Variants in HGF observed in about 807,000 individuals in gnomAD.
HGF encodes the protein fibroblast-derived tumor cytotoxic factor.
HGF carries 39 observed loss-of-function variants against 111.6 expected under a neutral mutation model. The observed-to-expected ratio is 0.35, with a 90% CI of 0.27 to 0.46. The LOEUF is 0.46. HGF is among the 20% of genes least tolerant of loss of function. The pLI, the probability that HGF is intolerant of heterozygous loss-of-function variation, is 1.00. For synonymous variants in HGF, 285 were observed against 294.8 expected (o/e 0.97, Z 0.34); for missense variants, 735 against 910.5 (o/e 0.81, Z 2.48).
chr7:81,765,835 A>G (rs1392076202), intron 1 of HGF, among the ~76,000 whole-genome samples: 3 of 152,218 alleles, frequency 2.0e-5, no homozygotes, highest in Non-Finnish European at 4.4e-5. Flanking sequence ...AGCCAAGCTT[A>G]ATTTGGGAAG....
chr7:81,706,464 A>G (rs1246658580), intron 14 of HGF, 37 bp from the exon 15 acceptor site: 8 of 1,510,022 alleles, frequency 5.3e-6, no homozygotes, highest in Non-Finnish European at 6.4e-6. Context: ...GTAAAACATA[A>G]TAATTCCAAA....
At chr7:81,765,222 A>G (rs1406756161) in intron 1 of HGF, among the ~76,000 whole-genome samples, 1 of 152,084 alleles carries the variant, frequency 6.6e-6, no homozygotes, top group Non-Finnish European at 1.5e-5. Context: ...TTCTTTTCTC[A>G]ATGCCACGCA....
rs1487303636 is a variant in HGF at position 81,702,595 on chromosome 7, C to T, written c.2173G>A (p.Val725Ile). Residue 725 changes from valine (V) to isoleucine (I), a missense_variant, in exon 18 of 18, where the codon GTA becomes ATA. Around this residue, in one of 3 missense-constraint regions of HGF, gnomAD observed 52 missense variants for 95.0 expected, o/e 0.55. Coordinates refer to ENST00000222390, the MANE Select transcript of HGF (RefSeq NM_000601.6). Reference protein sequence around the residue: ...WIHKIILTYKVPQS With the variant: ...WIHKIILTYKIPQS ...ACTTACTTCAGCTATGACTGTGGTA[C>T]CTTATATGTTAAAATAATTTTGTGT... is the stretch of plus-strand genomic sequence containing the variant. 9 of 1,610,326 alleles carry T rather than the reference C, an allele frequency of 5.6e-6. No homozygotes were observed. The highest frequency in any genetic ancestry group is 7.6e-6 in the Non-Finnish European group (9 of 1,177,414).
rs375543724 is a variant in HGF, at chr7:81,717,381, G to A, written c.1272-16C>T. The A allele has an allele frequency of 2.5e-5, 41 of 1,610,684 alleles. No individual in the cohort carries two copies. Among genetic ancestry groups the A allele is most frequent in the Non-Finnish European group, 3.1e-5 (36 of 1,177,212 alleles). ...GAAGATATGACTGTGGAAACAACAG[G>A]CCTTGCACATCACAAGATGCTCATT... On this transcript the variant is annotated splice_polypyrimidine_tract_variant and intron_variant, in intron 10 of 17. Coordinates refer to ENST00000222390, the MANE Select transcript of HGF (RefSeq NM_000601.6).
chr7:81,751,260 A>T (rs542218822), intron 5 of HGF: 34 of 983,688 alleles, frequency 3.5e-5, no homozygotes, highest in Middle Eastern at 5.2e-4. Context: ...AATCCTAACA[A>T]TTTTCTAACA....
intron 7 of HGF, among the ~76,000 whole-genome samples, chr7:81,737,147 G>T (rs1787857260): frequency 6.6e-6 from 1 of 151,810 alleles, no homozygotes. Context: ...AAGAGTGAAG[G>T]AGAAGGCTAT....
Position 81,762,862 on chromosome 7 carries a change from C to A in HGF, c.99G>T (p.Arg33Ser), listed in dbSNP as rs1049378351. 2.0e-6 allele frequency: 3 copies of A among 1,532,908 alleles called. No individual in the cohort carries two copies. The highest frequency in any genetic ancestry group is 2.7e-6 in the Non-Finnish European group (3 of 1,107,540). 95.0% of individuals were successfully genotyped at this position (1,532,908 alleles called of 1,614,324 possible). The change falls in exon 2 of 18, where the codon AGG becomes AGT. Residue 33 changes from arginine to serine, a missense_variant. Physicochemically the swap from Arg to Ser is moderately radical, Grantham distance 110. Transcript: ENST00000222390. ...ATTCATGAATTGTATTTCTTCTTTT[C>A]CTTTGTCCCTCTATTAAATACAAAA... Reference protein sequence around the residue: ...PIAIPYAEGQRKRRNTIHEFK... With the variant: ...PIAIPYAEGQSKRRNTIHEFK...
chr7:81,712,294 T>G (rs1789592967), intron 11 of HGF, among the ~76,000 whole-genome samples: 1 of 152,178 alleles, frequency 6.6e-6, no homozygotes, highest in Non-Finnish European at 1.5e-5. Context: ...ATTTTTTTTC[T>G]GAAAACTTTT....
chr7:81,756,224 T>C (rs2116164634), intron 4 of HGF: 2 of 570,606 alleles, frequency 3.5e-6, no homozygotes, highest in South Asian at 4.5e-5. Flanking sequence ...TAAGTGTTTT[T>C]ATGCTTCAGT....
Position 81,767,649 on chromosome 7 carries a change from C to T in HGF, c.88+2235G>A, listed in dbSNP as rs1053882405. On this transcript the variant is annotated intron_variant, in intron 1 of 17. Transcript: ENST00000222390. ...TATAGGCTAACTCCTACAAAGATGG[C>T]GGGGGCCCATTATATTGAATATTTC... is the stretch of plus-strand genomic sequence containing the variant. Among the ~76,000 whole-genome samples the T allele has an allele frequency of 5.3e-5, 8 of 152,144 alleles. No homozygotes were observed. In the South Asian group the frequency reaches 6.2e-4, roughly 12 times the overall value.
chr7:81,753,568 T>G (rs1788606589), intron 4 of HGF, among the ~76,000 whole-genome samples: 1 of 152,064 alleles, frequency 6.6e-6, no homozygotes, highest in Admixed American at 6.6e-5. Flanking sequence ...GTATGCGTCA[T>G]GTACCAAGCA....
At chr7:81,729,931 CTT>C (rs1456371119) in intron 7 of HGF, 152 bp from the exon 8 acceptor site, 4 of 649,452 alleles carry the variant, frequency 6.2e-6, no homozygotes, top group African/African-American at 5.5e-5. Context: ...AGAAATTTAA[CTT>C]AACATTATTA....
chr7:81,720,812 T>C lies in HGF; in HGVS notation c.1204A>G (p.Asn402Asp). The C allele has an allele frequency of 1.2e-6, 2 of 1,612,964 alleles. No individual in the cohort carries two copies. The highest frequency in any genetic ancestry group is 1.7e-6 in the Non-Finnish European group (2 of 1,178,938). ...AGTCCAGATCTTGTTTGGGATAAGT[T>C]GCCCATATAATTTTTGCCATTCCCA... ...YRGNGKNYMG[N>D]LSQTRSGLTC... The change falls in exon 10 of 18, where the codon AAC becomes GAC. Residue 402 changes from asparagine (N) to aspartate (D), a missense_variant. Physicochemically the swap from Asn to Asp is conservative, Grantham distance 23 (BLOSUM62 1). Around this residue, in one of 3 missense-constraint regions of HGF, gnomAD observed 553 missense variants for 685.6 expected, o/e 0.81. Transcript: ENST00000222390.
intron 12 of HGF, among the ~76,000 whole-genome samples, chr7:81,710,753 T>C (rs1789551918): frequency 6.6e-6 from 1 of 152,100 alleles, no homozygotes; most frequent in Admixed American, 6.5e-5. Flanking sequence ...ATGATATAAT[T>C]ATTATTTTCA....
intron 1 of HGF, among the ~76,000 whole-genome samples, chr7:81,768,803 T>C (rs953654113): frequency 1.3e-5 from 2 of 152,108 alleles, no homozygotes; most frequent in African/African-American, 4.8e-5. Flanking sequence ...CCAAACAGTG[T>C]CATTTTCCAA....
At chr7:81,767,287 TGAAAAA>T (rs542473967) in intron 1 of HGF, among the ~76,000 whole-genome samples, 1 of 147,274 alleles carries the variant, frequency 6.8e-6, no homozygotes, top group East Asian at 2.0e-4. Flanking sequence ...TCAATATAAA[TGAAAAA>T]AGAAAAAAAA....
intron 4 of HGF, 67 bp from the exon 5 acceptor site, chr7:81,752,329 T>G: frequency 7.7e-7 from 1 of 1,303,708 alleles, no homozygotes; most frequent in Non-Finnish European, 1.1e-6. Context: ...TTAATTTTAC[T>G]AATTAGTGGG....
At chr7:81,755,689 T>C in intron 4 of HGF, 1 of 251,848 alleles carries the variant, frequency 4.0e-6, no homozygotes, top group South Asian at 8.4e-5. Context: ...ATAAAATGTT[T>C]TCTTCACTAT....
intron 10 of HGF, among the ~76,000 whole-genome samples, chr7:81,719,217 G>A (rs1008310433): frequency 6.6e-6 from 1 of 152,114 alleles, no homozygotes; most frequent in Admixed American, 6.5e-5. Context: ...TACTCATCAT[G>A]TACATCCCAG....
Sources: gnomAD v4.1 joint callset for allele counts (sites outside exome capture counted in the v4.1 genomes callset) on GRCh38, gnomAD v4.1.1 for gene constraint, gnomAD v4.1.1 regional missense constraint, MANE v1.5 for transcripts, NCBI Gene and HGNC (gene_info 2026-07-23, HGNC 2026-07-21) for gene names.